ANKDD1B: variants seen among roughly 807,000 people sequenced by gnomAD.
The protein encoded by ANKDD1B is ankyrin repeat and death domain containing 1B.
A neutral mutation model predicts 59.7 loss-of-function variants in ANKDD1B; 57 were observed. The observed-to-expected ratio is 0.95, with a 90% confidence interval of 0.77 to 1.19. The LOEUF is 1.19. Among genes scored for constraint, ANKDD1B ranks in the 50% most tolerant of loss-of-function variants. ANKDD1B has a pLI of 0.00. For missense variants in ANKDD1B, 602 were observed against 641.9 expected (o/e 0.94, Z 0.67); for synonymous variants, 216 against 239.5 (o/e 0.90, Z 0.91).
chr5:75,622,652 C>T (rs1561433034), intron 3 of ANKDD1B, among the ~76,000 whole-genome samples: 1 of 152,152 alleles, frequency 6.6e-6, no homozygotes, highest in Non-Finnish European at 1.5e-5. Context: ...GAAGTGTTCC[C>T]CAGAGGAAAT....
chr5:75,648,614 T>G (rs2111982899), intron 7 of ANKDD1B, among the ~76,000 whole-genome samples: 1 of 152,286 alleles, frequency 6.6e-6, no homozygotes, highest in Middle Eastern at 3.4e-3. Flanking sequence ...CTGGAAATGA[T>G]CGTGAATCCA....
intron 12 of ANKDD1B, among the ~76,000 whole-genome samples, chr5:75,668,875 C>T (rs1421067537): frequency 6.6e-6 from 1 of 152,166 alleles, no homozygotes; most frequent in Non-Finnish European, 1.5e-5. Flanking sequence ...GATTCTTACC[C>T]CAGACCTACT....
chr5:75,663,558 G>C lies in ANKDD1B; in HGVS notation c.1191+69G>C, dbSNP rs193015492. The stretch of plus-strand genomic sequence containing the variant: ...CACCCATCTTCTTGCAGGGGCAATG[G>C]GGGGGTCTGTGCCATTCTTTGCTCT... On this transcript the variant is annotated intron_variant, in intron 11 of 13. Coordinates refer to ENST00000601380, the MANE Select transcript of ANKDD1B (RefSeq NM_001276713.2). 475 of 1,256,348 alleles carry C rather than the reference G, an allele frequency of 3.8e-4. No homozygotes were observed. The African/African-American group carries it at 5.8e-3, about 15-fold the overall frequency. The allele number at this position is 1,256,348 out of a possible 1,614,324, so 77.8% of individuals were successfully genotyped here. A position where few individuals can be genotyped will look rare whatever the true frequency, so the allele number is the denominator to read the frequency against.
rs1379768809 is a variant in ANKDD1B at position 75,666,841 on chromosome 5, T to C, written c.1241T>C (p.Phe414Ser). ...CCGTCAACAGGCTTTACTCTGACATTCAAGCAAGATCACAGTCTGGAGACC... is the reference window on the plus strand; with the variant it reads ...CCGTCAACAGGCTTTACTCTGACATCCAAGCAAGATCACAGTCTGGAGACC... ...RDPSTGFTLT[F>S]KQDHSLETRH... Residue 414 changes from phenylalanine (F) to serine (S), a missense_variant, in exon 12 of 14, where the codon TTC becomes TCC. Coordinates refer to ENST00000601380, the MANE Select transcript of ANKDD1B (RefSeq NM_001276713.2). 5.2e-6 allele frequency: 8 copies of C among 1,536,032 alleles called. No homozygotes were observed. The Admixed American group carries it at 1.6e-4, about 30-fold the overall frequency.
chr5:75,616,405 A>C (rs1773717133), intron 1 of ANKDD1B, among the ~76,000 whole-genome samples: 1 of 152,184 alleles, frequency 6.6e-6, no homozygotes, highest in Non-Finnish European at 1.5e-5. Flanking sequence ...TTCTGAAGAC[A>C]ACAGTTTTAT....
intron 3 of ANKDD1B, among the ~76,000 whole-genome samples, chr5:75,621,887 T>A (rs1318871916): frequency 6.6e-6 from 1 of 152,232 alleles, no homozygotes; most frequent in East Asian, 1.9e-4. Context: ...TGCCTGAAGA[T>A]TGAAATAATG....
chr5:75,623,677 T>G (rs554770795), intron 3 of ANKDD1B, among the ~76,000 whole-genome samples: 1 of 152,262 alleles, frequency 6.6e-6, no homozygotes, highest in East Asian at 1.9e-4. Context: ...TTGGGCCTGA[T>G]AATTCTTTGT....
chr5:75,618,685 A>T (rs1581128624), intron 2 of ANKDD1B, among the ~76,000 whole-genome samples: 1 of 152,304 alleles, frequency 6.6e-6, no homozygotes, highest in East Asian at 1.9e-4. Context: ...CCCATATTTG[A>T]CATAGTAGAG....
At chr5:75,617,749 G>C (rs776318531) in intron 2 of ANKDD1B, among the ~76,000 whole-genome samples, 1 of 152,096 alleles carries the variant, frequency 6.6e-6, no homozygotes, top group Non-Finnish European at 1.5e-5. Flanking sequence ...AAAATGTAAG[G>C]CATTTTAACT....
intron 6 of ANKDD1B, chr5:75,635,552 G>A (rs543095196): frequency 1.1e-4 from 40 of 357,374 alleles, no homozygotes; most frequent in Non-Finnish European, 1.9e-4. Context: ...AGCAAAGTTA[G>A]AACAAGGAGC....
chr5:75,649,916 G>C (rs991555294), intron 7 of ANKDD1B, among the ~76,000 whole-genome samples: 1 of 152,164 alleles, frequency 6.6e-6, no homozygotes, highest in African/African-American at 2.4e-5. Context: ...CTGAGATCTC[G>C]TCAGTGTTGT....
At chr5:75,648,792 C>G (rs192851690) in intron 7 of ANKDD1B, among the ~76,000 whole-genome samples, 13 of 152,218 alleles carry the variant, frequency 8.5e-5, no homozygotes, top group African/African-American at 3.1e-4. Flanking sequence ...CACACGAGCC[C>G]GGGATGGGTT....
At chr5:75,656,839 C>T (rs1774992327) in intron 9 of ANKDD1B, among the ~76,000 whole-genome samples, 1 of 152,194 alleles carries the variant, frequency 6.6e-6, no homozygotes, top group African/African-American at 2.4e-5. Context: ...CTGCGGTGCC[C>T]TTCCGGCTAG....
intron 7 of ANKDD1B, among the ~76,000 whole-genome samples, chr5:75,640,293 C>T (rs918431634): frequency 6.6e-6 from 1 of 152,156 alleles, no homozygotes; most frequent in African/African-American, 2.4e-5. Flanking sequence ...ATTCTGCCTG[C>T]CTCAGCCTCC....
At chr5:75,670,255 G>A (rs1239435139) in intron 13 of ANKDD1B, among the ~76,000 whole-genome samples, 6 of 151,982 alleles carry the variant, frequency 3.9e-5, no homozygotes, top group Non-Finnish European at 7.4e-5. Context: ...ATTATTTTTG[G>A]ATCACTCTAG....
chr5:75,634,938 A>T lies in ANKDD1B; in HGVS notation c.641A>T (p.His214Leu). 6.5e-7 allele frequency: 1 copy of T among 1,535,870 alleles called. No individual in the cohort carries two copies. Among genetic ancestry groups the T allele is most frequent in the East Asian group, 2.4e-5 (1 of 40,902 alleles). Residue 214 changes from histidine to leucine, a missense_variant, in exon 6 of 14, where the codon CAT (histidine) becomes CTT (leucine). By Grantham distance (99) the His-to-Leu change is moderately conservative. Around this residue, in one of 3 missense-constraint regions of ANKDD1B, gnomAD observed 317 missense variants for 304.6 expected, o/e 1.04. Coordinates refer to ENST00000601380, the MANE Select transcript of ANKDD1B (RefSeq NM_001276713.2). ...TTTCTTTTGGCAGCTGAGAGGGGCC[A>T]TGTTGAAATGATAGAAAAACTTACC... ...KPFLLAAERG[H>L]VEMIEKLTFL...
At chr5:75,654,594 C>T (rs116744722) in intron 8 of ANKDD1B, among the ~76,000 whole-genome samples, 2,940 of 151,964 alleles carry the variant, frequency 0.019, 97 homozygotes, top group African/African-American at 0.067. Flanking sequence ...GTGGGAGGTT[C>T]GCTTGAACCC....
intron 7 of ANKDD1B, among the ~76,000 whole-genome samples, 190 bp downstream of exon 7, chr5:75,636,072 C>T (rs1054781997): frequency 2.0e-5 from 3 of 152,184 alleles, no homozygotes; most frequent in South Asian, 4.1e-4. Context: ...TTCATTTATT[C>T]GTGCATTCAT....
chr5:75,649,271 T>C (rs1774756079), intron 7 of ANKDD1B, among the ~76,000 whole-genome samples: 1 of 151,786 alleles, frequency 6.6e-6, no homozygotes, highest in South Asian at 2.1e-4. Context: ...CAGACTCACC[T>C]AATTTATGAT....
Sources: gnomAD v4.1 joint callset for allele counts (sites outside exome capture counted in the v4.1 genomes callset) on GRCh38, gnomAD v4.1.1 for gene constraint, gnomAD v4.1.1 regional missense constraint, MANE v1.5 for transcripts, NCBI Gene and HGNC (gene_info 2026-07-23, HGNC 2026-07-21) for gene names.